The following PRDM16 variants were observed in gnomAD, a reference collection of about 807,000 sequenced individuals.
PRDM16 encodes the protein PR/SET domain 16, also known as histone-lysine N-methyltransferase PRDM16.
In PRDM16, 23 loss-of-function variants were observed where a neutral mutation model predicts 110.6. The observed-to-expected ratio is 0.21, with a 90% CI of 0.15 to 0.29. The LOEUF (loss-of-function observed/expected upper bound fraction) is 0.29. PRDM16 is among the 10% of genes least tolerant of loss of function. The pLI is 1.00. For missense variants in PRDM16, 1,615 were observed against 1,794.3 expected, an observed-to-expected ratio of 0.90 and a Z score of 1.81; for synonymous variants, 799 against 781.8, an observed-to-expected ratio of 1.02 and a Z score of -0.37.
intron 1 of PRDM16, among the ~76,000 whole-genome samples, chr1:3,112,899 C>T (rs952909144): frequency 6.6e-6 from 1 of 152,258 alleles, no homozygotes; most frequent in African/African-American, 2.4e-5. Context: ...CCGGGCCATC[C>T]TTCTTGCGGG....
chr1:3,414,987 G>T (rs1643755657), intron 10 of PRDM16, among the ~76,000 whole-genome samples: 1 of 152,230 alleles, frequency 6.6e-6, no homozygotes, highest in South Asian at 2.1e-4. Context: ...AGCAGCCTCA[G>T]GTGGCAGCCC....
intron 2 of PRDM16, among the ~76,000 whole-genome samples, chr1:3,242,504 A>T (rs1202692046): frequency 1.3e-5 from 2 of 152,164 alleles, no homozygotes. Flanking sequence ...GAGAGATTCC[A>T]CCTGAGCAGC....
In PRDM16 at chr1:3,157,338, C is replaced by T. The variant is rs533795201; in HGVS notation, c.38-28787C>T. ...ACAGCCAGCATTTTGTTGTGTTTAC[C>T]GCATTTATTCTATTGATTGACTGAA... On this transcript the variant is annotated intron_variant, in intron 1 of 16. Transcript: ENST00000270722. This position sits in a 1 kb window ranked among gnomAD's most constrained non-coding sequence, Gnocchi z 4.8. Among the ~76,000 whole-genome samples, 5 of 151,374 alleles carry T rather than the reference C, an allele frequency of 3.3e-5. No individual in the cohort carries two copies. The South Asian group carries it at 6.3e-4, about 19-fold the overall frequency.
At chr1:3,271,193 G>A (rs1198862382) in intron 3 of PRDM16, among the ~76,000 whole-genome samples, 1 of 152,200 alleles carries the variant, frequency 6.6e-6, no homozygotes, top group East Asian at 1.9e-4. Flanking sequence ...CAGAATGAAA[G>A]CCCCAGTCCT....
At chr1:3,296,358 C>G (rs1875452) in intron 3 of PRDM16, among the ~76,000 whole-genome samples, 125,421 of 152,210 alleles carry the variant, frequency 0.82, 52,304 homozygotes, top group East Asian at 0.99. Flanking sequence ...CAGAAATGGA[C>G]ATAAACCCGT....
chr1:3,204,772 C>T (rs935314328), intron 2 of PRDM16, among the ~76,000 whole-genome samples: 5 of 152,232 alleles, frequency 3.3e-5, no homozygotes, highest in South Asian at 2.1e-4. Flanking sequence ...GTGGGTTGCT[C>T]ACCCTTGAAG....
At position 3,353,652 on chromosome 1, in the gene PRDM16, A is replaced by T. The variant is rs992478239; in HGVS notation, c.439-31500A>T. On this transcript the variant is annotated intron_variant, in intron 3 of 16. Transcript: ENST00000270722. The surrounding 1 kb of genome is among the most constrained non-coding windows in gnomAD (Gnocchi z 5.4). ...GCAAACCATTGACTCAGGCCACCTC[A>T]CTGCACCCACAGGCTTTGCAGAGAG... is the stretch of plus-strand genomic sequence containing the variant. 1.3e-5 allele frequency among the ~76,000 whole-genome samples: 2 copies of T among 152,166 alleles called. No individual in the cohort carries two copies. Among genetic ancestry groups the T allele is most frequent in the Non-Finnish European group, 2.9e-5 (2 of 68,014 alleles).
Position 3,186,195 on chromosome 1 carries a change from C to T in PRDM16, c.108C>T (p.Asp36=), listed in dbSNP as rs770557050. 28 of 1,612,730 alleles carry T rather than the reference C, an allele frequency of 1.7e-5. No homozygotes were observed. Among genetic ancestry groups the T allele is most frequent in the Middle Eastern group, 1.6e-4 (1 of 6,082 alleles). ...TGCTGGCCAGCCACAGCGCGGAGGA[C>T]GAGGCCGAGGACAGTGCCATGTCGC... ...RDLLASHSAE[D]EAEDSAMSPI... The change falls in exon 2 of 17, where the codon GAC becomes GAT. Residue 36 remains aspartate, a synonymous_variant. Coordinates refer to ENST00000270722, the MANE Select transcript of PRDM16 (RefSeq NM_022114.4).
chr1:3,433,615 G>A (rs1638831356), intron 16 of PRDM16, 62 bp from the exon 17 acceptor site: 1 of 1,541,464 alleles, frequency 6.5e-7, no homozygotes, highest in African/African-American at 1.4e-5. Context: ...TGTCTGGGAT[G>A]GCCCGCCCTG....
intron 1 of PRDM16, among the ~76,000 whole-genome samples, chr1:3,168,775 C>T (rs1353064013): frequency 2.0e-5 from 3 of 152,312 alleles, no homozygotes; most frequent in Non-Finnish European, 2.9e-5. Context: ...GCCACCTGCC[C>T]GGCCCATGGA....
chr1:3,347,223 C>T (rs1642379104), intron 3 of PRDM16, among the ~76,000 whole-genome samples: 1 of 152,224 alleles, frequency 6.6e-6, no homozygotes, highest in African/African-American at 2.4e-5. Context: ...AGGTTCTGCA[C>T]CAGGCAGACA....
At chr1:3,095,646 C>A (rs969019735) in intron 1 of PRDM16, among the ~76,000 whole-genome samples, 6 of 152,142 alleles carry the variant, frequency 3.9e-5, no homozygotes, top group Non-Finnish European at 7.4e-5. Context: ...CCCTGTGCTG[C>A]CCTGAGACAC....
chr1:3,182,517 C>T (rs114984072), intron 1 of PRDM16, among the ~76,000 whole-genome samples: 3,240 of 152,228 alleles, frequency 0.021, 127 homozygotes, highest in African/African-American at 0.073. Flanking sequence ...GTGGGGGTGG[C>T]CTCTGTTCCA....
At chr1:3,214,188 C>CCT (rs1638967262) in intron 2 of PRDM16, among the ~76,000 whole-genome samples, 1 of 152,150 alleles carries the variant, frequency 6.6e-6, no homozygotes, top group African/African-American at 2.4e-5. Flanking sequence ...TTCAGACAGG[C>CCT]GTCTTTTCCT....
chr1:3,181,974 C>A (rs1235952200), intron 1 of PRDM16, among the ~76,000 whole-genome samples: 3 of 152,062 alleles, frequency 2.0e-5, no homozygotes, highest in African/African-American at 7.2e-5. Flanking sequence ...CTTACACATG[C>A]AGTCACATGC....
chr1:3,186,960 G>A (rs1169074122), intron 2 of PRDM16, among the ~76,000 whole-genome samples: 1 of 152,358 alleles, frequency 6.6e-6, no homozygotes, highest in African/African-American at 2.4e-5. Flanking sequence ...AGCAGCCTCA[G>A]CTTCTCCAAC....
chr1:3,074,789 A>G (rs989149971), intron 1 of PRDM16, among the ~76,000 whole-genome samples: 3 of 152,018 alleles, frequency 2.0e-5, no homozygotes, highest in African/African-American at 2.4e-5. Flanking sequence ...GGGAATAACC[A>G]CCACCCACCG....
At chr1:3,247,208 C>G (rs898978132) in intron 3 of PRDM16, among the ~76,000 whole-genome samples, 1 of 152,166 alleles carries the variant, frequency 6.6e-6, no homozygotes, top group Non-Finnish European at 1.5e-5. Context: ...TCATCCACCT[C>G]TGGGAGGATT....
At chr1:3,410,073 T>A (rs1643657514) in intron 8 of PRDM16, among the ~76,000 whole-genome samples, 1 of 143,700 alleles carries the variant, frequency 7.0e-6, no homozygotes, top group African/African-American at 2.6e-5. Flanking sequence ...GTTGTGTATG[T>A]GCATGTGTAT....
Sources: gnomAD v4.1 joint callset for allele counts (sites outside exome capture counted in the v4.1 genomes callset) on GRCh38, gnomAD v4.1.1 for gene constraint, Gnocchi (gnomAD v3.1) non-coding constraint, MANE v1.5 for transcripts, NCBI Gene and HGNC (gene_info 2026-07-23, HGNC 2026-07-21) for gene names.